TMEM132D: variants seen among roughly 807,000 people sequenced by gnomAD.
TMEM132D encodes the protein mature OL transmembrane protein.
Under a neutral mutation model 62.3 loss-of-function variants are expected in TMEM132D, and 21 were observed. The observed-to-expected ratio is 0.34, with a 90% CI of 0.24 to 0.49. The LOEUF (loss-of-function observed/expected upper bound fraction) is 0.49, where lower values mean the gene tolerates loss of function less well. Among genes scored for constraint, TMEM132D ranks in the 20% least tolerant of loss-of-function variants. TMEM132D has a pLI of 0.99. For synonymous variants in TMEM132D, 621 were observed against 575.6 expected (o/e 1.08, Z -1.13); for missense variants, 1,346 against 1,402.8 (o/e 0.96, Z 0.65).
chr12:129,206,328 A>G (rs1274449451), intron 5 of TMEM132D, among the ~76,000 whole-genome samples: 1 of 152,214 alleles, frequency 6.6e-6, no homozygotes, highest in Non-Finnish European at 1.5e-5. Flanking sequence ...AGACATATAT[A>G]TGGCCAATAA....
chr12:129,417,174 G>A (rs1207094931), intron 3 of TMEM132D, among the ~76,000 whole-genome samples: 11 of 152,030 alleles, frequency 7.2e-5, no homozygotes, highest in African/African-American at 2.4e-5. Context: ...AATCCATCTG[G>A]TCCTGGGCTT....
At chr12:129,088,582 A>C (rs374940821) in intron 5 of TMEM132D, among the ~76,000 whole-genome samples, 16 of 12,048 alleles carry the variant, frequency 1.3e-3, no homozygotes, top group South Asian at 6.5e-3. Flanking sequence ...GGTGTCCTCC[A>C]TGACCGGGGT....
intron 1 of TMEM132D, chr12:129,852,462 T>A (rs1337638530): frequency 2.0e-5 from 3 of 152,128 alleles, no homozygotes; most frequent in Admixed American, 6.6e-5. Context: ...GAGGATTGCT[T>A]GAGCCCGGCA....
chr12:129,441,702 G>A (rs2135721428), intron 3 of TMEM132D, among the ~76,000 whole-genome samples: 1 of 152,256 alleles, frequency 6.6e-6, no homozygotes, highest in Admixed American at 6.5e-5. Context: ...GCTCACTGCA[G>A]TACTATTCAT....
chr12:129,812,521 T>C (rs1439923118), intron 1 of TMEM132D, among the ~76,000 whole-genome samples: 1 of 151,814 alleles, frequency 6.6e-6, no homozygotes, highest in African/African-American at 2.4e-5. Flanking sequence ...TGTCTCCATT[T>C]CCTCGTTAGT....
intron 4 of TMEM132D, among the ~76,000 whole-genome samples, chr12:129,333,898 A>G (rs765395407): frequency 3.3e-5 from 5 of 152,176 alleles, no homozygotes; most frequent in Non-Finnish European, 5.9e-5. Context: ...AGGCAGGTGG[A>G]TCATCTTAGG....
intron 4 of TMEM132D, among the ~76,000 whole-genome samples, chr12:129,268,839 T>C (rs1179710889): frequency 1.3e-5 from 2 of 151,690 alleles, no homozygotes; most frequent in Admixed American, 6.6e-5. Flanking sequence ...TATGCAGCCA[T>C]AAAAAAAGGA....
At chr12:129,301,898 T>G (rs1881724101) in intron 4 of TMEM132D, among the ~76,000 whole-genome samples, 1 of 152,036 alleles carries the variant, frequency 6.6e-6, no homozygotes, top group African/African-American at 2.4e-5. Flanking sequence ...CAGGTGGTGA[T>G]GACGCTGAAG....
intron 3 of TMEM132D, among the ~76,000 whole-genome samples, chr12:129,429,837 G>T (rs191833005): frequency 6.6e-5 from 10 of 150,408 alleles, no homozygotes; most frequent in South Asian, 6.3e-4. Context: ...GCGGTGTTTG[G>T]TTTTTTGTCC....
intron 1 of TMEM132D, among the ~76,000 whole-genome samples, chr12:129,714,759 A>T (rs963428562): frequency 2.6e-5 from 4 of 152,238 alleles, no homozygotes; most frequent in Non-Finnish European, 4.4e-5. Flanking sequence ...TTTAGAAATG[A>T]ATGGATAAAG....
At chr12:129,476,048 G>A (rs1874247281) in intron 3 of TMEM132D, among the ~76,000 whole-genome samples, 2 of 152,158 alleles carry the variant, frequency 1.3e-5, no homozygotes, top group African/African-American at 4.8e-5. Context: ...GTACCATGTC[G>A]GGAAGCAGGA....
chr12:129,282,536 A>C (rs954009501), intron 4 of TMEM132D, among the ~76,000 whole-genome samples: 9 of 152,062 alleles, frequency 5.9e-5, no homozygotes, highest in African/African-American at 1.9e-4. Context: ...AGGTGGAACG[A>C]TTTTCCTGGA....
At chr12:129,472,888 T>G (rs943755681) in intron 3 of TMEM132D, among the ~76,000 whole-genome samples, 23 of 152,120 alleles carry the variant, frequency 1.5e-4, no homozygotes, top group Admixed American at 1.4e-3. Context: ...TTTTTTTTTT[T>G]GAGACAGAGT....
intron 3 of TMEM132D, among the ~76,000 whole-genome samples, chr12:129,370,622 G>C (rs1032932133): frequency 1.1e-4 from 17 of 152,174 alleles, no homozygotes; most frequent in African/African-American, 4.1e-4. Flanking sequence ...CGAAAATATG[G>C]AATCAACCTA....
At chr12:129,242,198 T>C (rs1231821331) in intron 4 of TMEM132D, among the ~76,000 whole-genome samples, 1 of 152,252 alleles carries the variant, frequency 6.6e-6, no homozygotes, top group Non-Finnish European at 1.5e-5. Flanking sequence ...ACAACTTCTC[T>C]CATTGACAGT....
At chr12:129,486,345 C>G (rs1874578632) in intron 3 of TMEM132D, among the ~76,000 whole-genome samples, 1 of 152,136 alleles carries the variant, frequency 6.6e-6, no homozygotes, top group South Asian at 2.1e-4. Context: ...TGTCTCAGGT[C>G]TTTCTTCTGG....
chr12:129,526,810 G>T (rs1209596218), intron 3 of TMEM132D, among the ~76,000 whole-genome samples: 1 of 152,184 alleles, frequency 6.6e-6, no homozygotes, highest in Non-Finnish European at 1.5e-5. Flanking sequence ...CTGCAATGCT[G>T]ATGCAATGAC....
intron 1 of TMEM132D, among the ~76,000 whole-genome samples, chr12:129,721,073 G>A (rs568251092): frequency 8.5e-5 from 13 of 152,306 alleles, no homozygotes; most frequent in African/African-American, 2.4e-4. Context: ...CATTTGAGCC[G>A]GACATTGGCA....
At chr12:129,430,601 C>G (rs1163629816) in intron 3 of TMEM132D, among the ~76,000 whole-genome samples, 1 of 152,130 alleles carries the variant, frequency 6.6e-6, no homozygotes, top group Non-Finnish European at 1.5e-5. Context: ...CACACCCAGC[C>G]CAGTTCTACT....
Sources: gnomAD v4.1 joint callset for allele counts (sites outside exome capture counted in the v4.1 genomes callset) on GRCh38, gnomAD v4.1.1 for gene constraint, MANE v1.5 for transcripts, NCBI Gene and HGNC (gene_info 2026-07-23, HGNC 2026-07-21) for gene names.